The following AGO1 variants were observed in gnomAD, a reference collection of about 807,000 sequenced individuals.
AGO1 encodes the protein argonaute RISC component 1, also known as protein argonaute-1.
Under a neutral mutation model 109.2 loss-of-function variants are expected in AGO1, and 11 were observed. The ratio of observed to expected loss-of-function variants is 0.10; its 90% CI spans 0.06 to 0.17. The LOEUF is 0.17. Ranked by LOEUF, AGO1 falls within the 10% of genes least tolerant of loss-of-function variation. AGO1 has a pLI of 1.00. For missense variants in AGO1, 574 were observed against 1,140.3 expected, an observed-to-expected ratio of 0.50 and a Z score of 7.15; for synonymous variants, 422 against 418.6, an observed-to-expected ratio of 1.01 and a Z score of -0.10.
intron 8 of AGO1, among the ~76,000 whole-genome samples, chr1:35,899,777 A>G (rs1032675674): frequency 6.6e-6 from 1 of 152,204 alleles, no homozygotes; most frequent in Non-Finnish European, 1.5e-5. Flanking sequence ...TGTTGGCCCT[A>G]TGGGAGCAAG....
At chr1:35,907,865 C>T (rs1337744339) in intron 12 of AGO1, among the ~76,000 whole-genome samples, 2 of 152,168 alleles carry the variant, frequency 1.3e-5, no homozygotes, top group Non-Finnish European at 2.9e-5. Context: ...TGGTTCACAC[C>T]TGTAATCCCA....
intron 11 of AGO1, among the ~76,000 whole-genome samples, chr1:35,905,769 C>T (rs894156638): frequency 2.0e-5 from 3 of 152,140 alleles, no homozygotes; most frequent in Admixed American, 2.0e-4. Context: ...CTGCACCAGC[C>T]CTATTCCTCC....
At chr1:35,877,243 A>G (rs1363369905) in intron 1 of AGO1, among the ~76,000 whole-genome samples, 8 of 152,098 alleles carry the variant, frequency 5.3e-5, no homozygotes. Flanking sequence ...GAATGGGCAG[A>G]TTTCGTGATG....
At chr1:35,875,778 T>C (rs1015609119) in intron 1 of AGO1, among the ~76,000 whole-genome samples, 2 of 152,192 alleles carry the variant, frequency 1.3e-5, no homozygotes, top group Non-Finnish European at 2.9e-5. Context: ...TCTTTCAAAA[T>C]ATTACTGCTC....
chr1:35,870,121 A>G (rs1212050787), intron 1 of AGO1, among the ~76,000 whole-genome samples: 1 of 151,980 alleles, frequency 6.6e-6, no homozygotes, highest in Non-Finnish European at 1.5e-5. Flanking sequence ...TTATCACCCA[A>G]GCGTTCCTGC....
chr1:35,918,398 A>T lies in AGO1; in HGVS notation c.2240A>T (p.Tyr747Phe), dbSNP rs1645772906. The T allele has an allele frequency of 6.2e-7, 1 of 1,614,144 alleles. No individual in the cohort carries two copies. The highest frequency in any genetic ancestry group is 8.5e-7 in the Non-Finnish European group (1 of 1,180,022). ...NITHPFEFDF[Y>F]LCSHAGIQGT... ...ACCCACCCATTTGAGTTTGACTTCT[A>T]TCTGTGCAGCCACGCAGGCATCCAG... Residue 747 changes from tyrosine to phenylalanine, a missense_variant, in exon 17 of 19, where the codon TAT becomes TTT. Physicochemically the swap from Tyr to Phe is conservative, Grantham distance 22. Around this residue, in one of 8 missense-constraint regions of AGO1, gnomAD observed 62 missense variants for 192.0 expected, o/e 0.32. Coordinates refer to ENST00000373204, the MANE Select transcript of AGO1 (RefSeq NM_012199.5).
intron 1 of AGO1, chr1:35,873,123 A>T (rs1644966601): frequency 6.6e-6 from 1 of 151,304 alleles, no homozygotes; most frequent in Admixed American, 6.6e-5. Flanking sequence ...CAATACCTTT[A>T]TCCTTGTCCT....
At chr1:35,907,915 A>G (rs930135836) in intron 12 of AGO1, among the ~76,000 whole-genome samples, 3 of 152,182 alleles carry the variant, frequency 2.0e-5, no homozygotes, top group Non-Finnish European at 4.4e-5. Flanking sequence ...GCTTGTGCCC[A>G]GAAATTCGAG....
intron 15 of AGO1, among the ~76,000 whole-genome samples, chr1:35,916,064 C>T (rs1247049413): frequency 6.6e-6 from 1 of 151,820 alleles, no homozygotes; most frequent in Non-Finnish European, 1.5e-5. Context: ...GAACTGGTAT[C>T]CTTGACTACC....
intron 12 of AGO1, 48 bp downstream of exon 12, chr1:35,907,167 C>T (rs751528601): frequency 1.3e-5 from 20 of 1,530,876 alleles, no homozygotes; most frequent in Non-Finnish European, 1.5e-5. Context: ...CTCTTCTCAG[C>T]GTAGTTCCCT....
At chr1:35,882,347 A>G (rs937982518), upstream of AGO1, among the ~76,000 whole-genome samples, 5 of 152,168 alleles carry the variant, frequency 3.3e-5, no homozygotes, top group South Asian at 2.1e-4. This position sits in a 1 kb window ranked among gnomAD's most constrained non-coding sequence, Gnocchi z 5.1. Context: ...ACCACAGTGA[A>G]CAGTTAATGA....
Position 35,888,479 on chromosome 1 carries a change from G to A in AGO1, c.78G>A (p.Arg26=). 1 of 1,614,208 alleles carries A rather than the reference G, an allele frequency of 6.2e-7. No individual in the cohort carries two copies. Residue 26 remains arginine, a synonymous_variant, in exon 2 of 19, where the codon CGG becomes CGA. Transcript: ENST00000373204. The surrounding 1 kb of genome is among the most constrained non-coding windows in gnomAD (Gnocchi z 4.1). The part of the protein sequence containing the change: ...PLQQVFQAPR[R]PGIGTVGKPI... Reference sequence around the variant, plus strand: ...AGCAGGTGTTCCAGGCACCTCGCCGGCCTGGCATTGGCACTGTGGGGAAAC... The same window carrying A: ...AGCAGGTGTTCCAGGCACCTCGCCGACCTGGCATTGGCACTGTGGGGAAAC...
chr1:35,899,856 A>G (rs1337810546), intron 8 of AGO1, among the ~76,000 whole-genome samples: 1 of 151,628 alleles, frequency 6.6e-6, no homozygotes, highest in Non-Finnish European at 1.5e-5. Flanking sequence ...TTTTTTTCTC[A>G]TGTTTGAGAT....
At chr1:35,886,716 T>C (rs1268770407) in intron 1 of AGO1, among the ~76,000 whole-genome samples, 1 of 152,216 alleles carries the variant, frequency 6.6e-6, no homozygotes, top group Admixed American at 6.5e-5. Context: ...TAATTGTTTC[T>C]GGGCAATTGC....
chr1:35,911,602 G>A (rs932539333), intron 12 of AGO1, among the ~76,000 whole-genome samples: 1 of 151,820 alleles, frequency 6.6e-6, no homozygotes, highest in East Asian at 1.9e-4. Context: ...TGGCTTTTCT[G>A]AGTGTTGTCT....
At chr1:35,918,589 C>T (rs1410555485) in intron 17 of AGO1, among the ~76,000 whole-genome samples, 166 bp downstream of exon 17, 1 of 152,192 alleles carries the variant, frequency 6.6e-6, no homozygotes, top group African/African-American at 2.4e-5. Context: ...ACTCTGTCCC[C>T]CAGGCTGGAG....
At chr1:35,884,820 C>T (rs1645093026) in intron 1 of AGO1, among the ~76,000 whole-genome samples, 1 of 152,170 alleles carries the variant, frequency 6.6e-6, no homozygotes, top group African/African-American at 2.4e-5. Context: ...CCTCTTGTGT[C>T]TTAAGTGTCT....
chr1:35,873,151 C>G (rs113882628), intron 1 of AGO1: 1 of 151,808 alleles, frequency 6.6e-6, no homozygotes, highest in Admixed American at 6.6e-5. Context: ...ACAAGGATCT[C>G]TAGAACACTT....
upstream of AGO1, among the ~76,000 whole-genome samples, chr1:35,879,664 G>C (rs888347821): frequency 6.9e-6 from 1 of 144,072 alleles, no homozygotes; most frequent in African/African-American, 2.6e-5. Context: ...GAAGTTGGGA[G>C]GCAGAGGCTG....
Sources: gnomAD v4.1 joint callset for allele counts (sites outside exome capture counted in the v4.1 genomes callset) on GRCh38, gnomAD v4.1.1 for gene constraint, gnomAD v4.1.1 regional missense constraint, Gnocchi (gnomAD v3.1) non-coding constraint, MANE v1.5 for transcripts, NCBI Gene and HGNC (gene_info 2026-07-23, HGNC 2026-07-21) for gene names.